The following MTMR14 variants were observed in gnomAD, a reference collection of about 807,000 sequenced individuals.
MTMR14 encodes myotubularin related protein 14.
Under a neutral mutation model 86.3 loss-of-function variants are expected in MTMR14, and 48 were observed. The ratio of observed to expected loss-of-function variants is 0.56; its 90% CI spans 0.44 to 0.71. The LOEUF (loss-of-function observed/expected upper bound fraction) is 0.71. Among genes scored for constraint, MTMR14 ranks in the 30% least tolerant of loss-of-function variants. The pLI is 0.00. For missense variants in MTMR14, 780 were observed against 834.6 expected, an observed-to-expected ratio of 0.93 and a Z score of 0.81; for synonymous variants, 366 against 326.1, an observed-to-expected ratio of 1.12 and a Z score of -1.32.
chr3:9,660,118 CTAGT>C (rs751181045), intron 2 of MTMR14, among the ~76,000 whole-genome samples: 2 of 152,172 alleles, frequency 1.3e-5, no homozygotes, highest in African/African-American at 2.4e-5. Context: ...CTTGTGGAGT[CTAGT>C]TAGGCAATTA....
chr3:9,689,186 G>C lies in MTMR14; in HGVS notation c.1433+104G>C, dbSNP rs1288379801. 17 of 1,503,594 alleles carry C rather than the reference G, an allele frequency of 1.1e-5. No individual in the cohort carries two copies. The East Asian group carries it at 3.8e-4, about 34-fold the overall frequency. 93.1% of individuals were successfully genotyped at this position (1,503,594 alleles called of 1,614,324 possible). On this transcript the variant is annotated intron_variant, in intron 16 of 18. Coordinates refer to ENST00000296003, the MANE Select transcript of MTMR14 (RefSeq NM_001077525.3). ...CCAAGAACAAAGCAGGCCCCCAAGA[G>C]AAGAGCTGAGAGGATAGCTCCGTGC...
At chr3:9,664,967 G>A (rs913553879) in intron 3 of MTMR14, among the ~76,000 whole-genome samples, 1 of 152,156 alleles carries the variant, frequency 6.6e-6, no homozygotes, top group African/African-American at 2.4e-5. Context: ...ACCCTGATGT[G>A]ATTGTTATGC....
At chr3:9,686,186 A>C (rs2125288449) in intron 13 of MTMR14, among the ~76,000 whole-genome samples, 1 of 152,292 alleles carries the variant, frequency 6.6e-6, no homozygotes, top group Non-Finnish European at 1.5e-5. Context: ...CGCGTCTGCC[A>C]GGGCTGTAGA....
At chr3:9,661,639 G>A (rs2047938835) in intron 2 of MTMR14, among the ~76,000 whole-genome samples, 1 of 152,092 alleles carries the variant, frequency 6.6e-6, no homozygotes, top group Admixed American at 6.6e-5. Flanking sequence ...GTCTTATCCT[G>A]GGAGTTAAAA....
intron 1 of MTMR14, among the ~76,000 whole-genome samples, chr3:9,652,212 T>C (rs1170258336): frequency 6.6e-6 from 1 of 151,846 alleles, no homozygotes; most frequent in Non-Finnish European, 1.5e-5. Context: ...TGATCTGCCC[T>C]CCTCGGTGCC....
chr3:9,662,801 T>C (rs2048016014), intron 3 of MTMR14, among the ~76,000 whole-genome samples: 2 of 152,246 alleles, frequency 1.3e-5, no homozygotes, highest in South Asian at 4.1e-4. Flanking sequence ...TGCCAGACAC[T>C]GCTTCAGGCC....
chr3:9,660,946 T>G (rs1237929109), intron 2 of MTMR14, among the ~76,000 whole-genome samples: 1 of 152,192 alleles, frequency 6.6e-6, no homozygotes, highest in African/African-American at 2.4e-5. Context: ...TAAAGGTTGG[T>G]AGGTGAGTTT....
intron 7 of MTMR14, among the ~76,000 whole-genome samples, chr3:9,674,420 G>A (rs2048741236): frequency 6.6e-6 from 1 of 152,146 alleles, no homozygotes; most frequent in African/African-American, 2.4e-5. Context: ...AACAAGAAAT[G>A]TTTTCACTAA....
At chr3:9,658,429 G>A (rs761860443) in intron 2 of MTMR14, among the ~76,000 whole-genome samples, 1 of 152,228 alleles carries the variant, frequency 6.6e-6, no homozygotes, top group Non-Finnish European at 1.5e-5. Context: ...CTGCTGTGTA[G>A]TAGACCTCAG....
In MTMR14 at chr3:9,688,904, A is replaced by G. The variant is rs760931441; in HGVS notation, c.1295-40A>G. On this transcript the variant is annotated intron_variant, in intron 15 of 18. Transcript: ENST00000296003. Reference sequence around the variant, plus strand: ...GAAAAGGTGGGGGACCAGTAGTGGGAGAAGGTAACACGCTGACTGATGGCA... The same window carrying G: ...GAAAAGGTGGGGGACCAGTAGTGGGGGAAGGTAACACGCTGACTGATGGCA... 5 of 1,610,940 alleles carry G rather than the reference A, an allele frequency of 3.1e-6. No homozygotes were observed. In the South Asian group the frequency reaches 4.4e-5, roughly 14 times the overall value.
At chr3:9,687,697 C>T in intron 13 of MTMR14, 124 bp from the exon 14 acceptor site, 1 of 765,094 alleles carries the variant, frequency 1.3e-6, no homozygotes, top group Admixed American at 2.0e-5. Context: ...CCAGAACACC[C>T]ACACAGTCCC....
At chr3:9,668,628 G>T in intron 3 of MTMR14, 91 bp from the exon 4 acceptor site, 1 of 1,368,280 alleles carries the variant, frequency 7.3e-7, no homozygotes, top group Non-Finnish European at 1.0e-6. Flanking sequence ...CGTTATGCTG[G>T]CCTGGAAGAG....
intron 17 of MTMR14, among the ~76,000 whole-genome samples, chr3:9,696,004 G>A (rs1559619631): frequency 6.6e-6 from 1 of 152,172 alleles, no homozygotes; most frequent in Non-Finnish European, 1.5e-5. Context: ...CTTCCGTCAG[G>A]TGACAGACCA....
chr3:9,660,435 A>G (rs751348941), intron 2 of MTMR14, among the ~76,000 whole-genome samples: 58 of 151,558 alleles, frequency 3.8e-4, no homozygotes, highest in Non-Finnish European at 6.5e-4. Flanking sequence ...ATTTTTTTGT[A>G]TTTTTAGTAG....
chr3:9,683,873 CA>C (rs1311081720), intron 10 of MTMR14: 3 of 157,518 alleles, frequency 1.9e-5, no homozygotes, highest in African/African-American at 7.2e-5. Context: ...TCATGGCTGG[CA>C]GCCATTCCAG....
rs1380476497 is a variant in MTMR14 at position 9,685,106 on chromosome 3, C to G, written c.1128-105C>G. ...ACCGAAGCTGCTGATCAGGCCCCAC[C>G]TGCCACGCTGGTGCCAGTGACACAG... On this transcript the variant is annotated intron_variant, in intron 12 of 18. Transcript: ENST00000296003. 3.2e-6 allele frequency: 5 copies of G among 1,543,104 alleles called. No individual in the cohort carries two copies. The East Asian group carries it at 1.1e-4, about 35-fold the overall frequency.
At position 9,701,210 on chromosome 3, in the gene MTMR14, A is replaced by G. The variant is rs1044418977; in HGVS notation, c.1770-580A>G. 2 of 163,162 alleles carry G rather than the reference A, an allele frequency of 1.2e-5. No individual in the cohort carries two copies. The highest frequency in any genetic ancestry group is 4.8e-5 in the African/African-American group (2 of 41,560). The allele number at this position is 163,162 out of a possible 1,614,324, so 10.1% of individuals were successfully genotyped here. A position where few individuals can be genotyped will look rare whatever the true frequency, so the allele number is the denominator to read the frequency against. On this transcript the variant is annotated intron_variant, in intron 18 of 18. Coordinates refer to ENST00000296003, the MANE Select transcript of MTMR14 (RefSeq NM_001077525.3). This position sits in a 1 kb window ranked among gnomAD's most constrained non-coding sequence, Gnocchi z 4.2. The stretch of plus-strand genomic sequence containing the variant: ...AGTGGAAGCAGAGAGCTGCTGGGGC[A>G]AATTCCCTCCTGCTTAGCTACCCTC...
At chr3:9,658,351 G>T (rs957861105) in intron 2 of MTMR14, among the ~76,000 whole-genome samples, 10 of 152,128 alleles carry the variant, frequency 6.6e-5, no homozygotes, top group Non-Finnish European at 1.5e-4. Flanking sequence ...TCATCATCTG[G>T]GAATAGAAGC....
chr3:9,688,458 G>A (rs1262158179), intron 14 of MTMR14, among the ~76,000 whole-genome samples: 1 of 152,238 alleles, frequency 6.6e-6, no homozygotes, highest in African/African-American at 2.4e-5. Context: ...GGCACAAGCT[G>A]ATGAGGAGGA....
Sources: gnomAD v4.1 joint callset for allele counts (sites outside exome capture counted in the v4.1 genomes callset) on GRCh38, gnomAD v4.1.1 for gene constraint, Gnocchi (gnomAD v3.1) non-coding constraint, MANE v1.5 for transcripts, NCBI Gene and HGNC (gene_info 2026-07-23, HGNC 2026-07-21) for gene names.